The following PRKG1 variants were observed in gnomAD, a reference collection of about 807,000 sequenced individuals.
PRKG1 encodes the protein protein kinase cGMP-dependent 1.
PRKG1 carries 35 observed loss-of-function variants against 88.1 expected under a neutral mutation model. The observed-to-expected ratio is 0.40, with a 90% CI of 0.30 to 0.53. The LOEUF (loss-of-function observed/expected upper bound fraction) is 0.53. Ranked by LOEUF, PRKG1 falls within the 20% of genes least tolerant of loss-of-function variation. The pLI, the probability that PRKG1 is intolerant of heterozygous loss-of-function variation, is 0.59. For synonymous variants in PRKG1, 303 were observed against 292.5 expected, an observed-to-expected ratio of 1.04 and a Z score of -0.37; for missense variants, 540 against 839.8, an observed-to-expected ratio of 0.64 and a Z score of 4.41.
rs1221707320 is a variant in PRKG1, at chr10:51,923,284, CTT to C, written c.762+15716_762+15717del. 2.0e-5 allele frequency among the ~76,000 whole-genome samples: 3 copies of C among 151,666 alleles called. No individual in the cohort carries two copies. The East Asian group carries it at 5.8e-4, about 29-fold the overall frequency. ...CTCTTAACTTTTAATCTCTCTCTGT[CTT>C]TATATTTAAAGTGGGTTTTTAAAGA... On this transcript the variant is annotated intron_variant, in intron 5 of 17. Transcript: ENST00000373980.
chr10:52,072,158 C>CTTTTTTTTTTTTTTTTTTTTTTTTTTT (rs60576406), intron 7 of PRKG1, among the ~76,000 whole-genome samples: 51 of 39,566 alleles, frequency 1.3e-3, no homozygotes, highest in East Asian at 3.5e-3. Context: ...TATTGTTTTG[C>CTTTTTTTTTTTTTTTTTTTTTTTTTTT]TTTTTTTTTT....
chr10:51,518,396 G>A (rs1198244345), intron 3 of PRKG1, among the ~76,000 whole-genome samples: 1 of 152,084 alleles, frequency 6.6e-6, no homozygotes, highest in Non-Finnish European at 1.5e-5. Flanking sequence ...GTTCAATTTA[G>A]GATTATCAAA....
intron 2 of PRKG1, among the ~76,000 whole-genome samples, chr10:51,398,889 A>C (rs1837653355): frequency 6.6e-6 from 1 of 152,134 alleles, no homozygotes; most frequent in Non-Finnish European, 1.5e-5. Context: ...CTTCTTTCAG[A>C]CTAGAACTGA....
At chr10:51,458,011 G>A (rs775287345) in intron 2 of PRKG1, among the ~76,000 whole-genome samples, 7 of 152,192 alleles carry the variant, frequency 4.6e-5, no homozygotes, top group Non-Finnish European at 8.8e-5. Flanking sequence ...ATCTTATTAA[G>A]CAGATGTTTA....
At chr10:51,933,671 T>C (rs959846456) in intron 5 of PRKG1, among the ~76,000 whole-genome samples, 5 of 152,194 alleles carry the variant, frequency 3.3e-5, no homozygotes, top group African/African-American at 1.2e-4. Flanking sequence ...AAAAAATTTG[T>C]GCCTTAGGTT....
At chr10:51,259,525 G>A (rs1474297625) in intron 2 of PRKG1, among the ~76,000 whole-genome samples, 1 of 152,162 alleles carries the variant, frequency 6.6e-6, no homozygotes, top group East Asian at 1.9e-4. Context: ...CCAGGCTGGA[G>A]TGCAGTAGCA....
chr10:51,605,399 C>T (rs1192263146), intron 3 of PRKG1, among the ~76,000 whole-genome samples: 1 of 152,188 alleles, frequency 6.6e-6, no homozygotes. Flanking sequence ...CCCTGCCCCA[C>T]TCTCGTATCA....
At chr10:51,148,045 G>A (rs1233503308) in intron 1 of PRKG1, among the ~76,000 whole-genome samples, 3 of 152,176 alleles carry the variant, frequency 2.0e-5, no homozygotes, top group African/African-American at 7.2e-5. Flanking sequence ...CTTAACAATT[G>A]TGGCAGCAAC....
At chr10:51,857,649 T>C (rs1280846058) in intron 4 of PRKG1, among the ~76,000 whole-genome samples, 1 of 152,184 alleles carries the variant, frequency 6.6e-6, no homozygotes, top group Non-Finnish European at 1.5e-5. Context: ...TATTTTATTT[T>C]TTTCCAGGGC....
At chr10:51,396,014 A>C (rs1257187232) in intron 2 of PRKG1, among the ~76,000 whole-genome samples, 1 of 152,166 alleles carries the variant, frequency 6.6e-6, no homozygotes, top group African/African-American at 2.4e-5. Flanking sequence ...ATAAAATGCT[A>C]GATTATATTA....
chr10:51,172,608 G>C (rs74131792), intron 2 of PRKG1, among the ~76,000 whole-genome samples: 1,115 of 62,574 alleles, frequency 0.018, 19 homozygotes, highest in African/African-American at 0.068. Context: ...GTCTATGTAT[G>C]TATGTATGTA....
intron 3 of PRKG1, among the ~76,000 whole-genome samples, chr10:51,756,739 C>T (rs189505341): frequency 1.1e-4 from 17 of 150,436 alleles, no homozygotes; most frequent in Middle Eastern, 3.7e-3. Flanking sequence ...GGCGTGAACC[C>T]GGGAGGCAGA....
At chr10:51,262,660 T>G (rs1839741115) in intron 2 of PRKG1, among the ~76,000 whole-genome samples, 1 of 152,180 alleles carries the variant, frequency 6.6e-6, no homozygotes. Flanking sequence ...GACTCACAGT[T>G]CCACAGGCTT....
intron 1 of PRKG1, among the ~76,000 whole-genome samples, chr10:51,128,434 C>T (rs1442891165): frequency 3.9e-5 from 6 of 152,120 alleles, no homozygotes; most frequent in Non-Finnish European, 8.8e-5. Flanking sequence ...TTTCCATTTG[C>T]CCTCTTTGTC....
chr10:51,029,978 A>G (rs1333373468), intron 1 of PRKG1, among the ~76,000 whole-genome samples: 1 of 152,154 alleles, frequency 6.6e-6, no homozygotes, highest in African/African-American at 2.4e-5. Flanking sequence ...GAGATTAATT[A>G]GGATAATGTT....
At chr10:51,837,086 TTC>T (rs1840151458) in intron 4 of PRKG1, among the ~76,000 whole-genome samples, 1 of 152,182 alleles carries the variant, frequency 6.6e-6, no homozygotes, top group Non-Finnish European at 1.5e-5. Context: ...CTTCTCACTC[TTC>T]TGCTATTGAG....
intron 2 of PRKG1, among the ~76,000 whole-genome samples, chr10:51,466,707 C>G (rs1839916335): frequency 6.6e-6 from 1 of 151,894 alleles, no homozygotes; most frequent in Non-Finnish European, 1.5e-5. Flanking sequence ...AATTTAATGT[C>G]AATACTCTAA....
At chr10:51,766,991 ATTGT>A in intron 3 of PRKG1, among the ~76,000 whole-genome samples, 1 of 152,282 alleles carries the variant, frequency 6.6e-6, no homozygotes, top group African/African-American at 2.4e-5. Flanking sequence ...GTAGTGACTG[ATTGT>A]TGTGTTTTTC....
chr10:51,305,482 C>G (rs1841013215), intron 2 of PRKG1, among the ~76,000 whole-genome samples: 1 of 152,100 alleles, frequency 6.6e-6, no homozygotes, highest in South Asian at 2.1e-4. Context: ...GGAAAGGGTG[C>G]CTCTCTCCAA....
Sources: gnomAD v4.1 joint callset for allele counts (sites outside exome capture counted in the v4.1 genomes callset) on GRCh38, gnomAD v4.1.1 for gene constraint, MANE v1.5 for transcripts, NCBI Gene and HGNC (gene_info 2026-07-23, HGNC 2026-07-21) for gene names.